Variants in TAS2R1 observed in about 807,000 individuals in gnomAD.
TAS2R1 encodes taste 2 receptor member 1.
For synonymous variants in TAS2R1, 141 were observed against 134.2 expected (o/e 1.05, Z -0.35); for missense variants, 370 against 353.4 (o/e 1.05, Z -0.38).
At chr5:9,805,237 T>C in the TAS2R1 span, among the ~76,000 whole-genome samples, 4 of 152,074 alleles carry the variant, frequency 2.6e-5, no homozygotes, top group South Asian at 2.1e-4. Flanking sequence ...AGCAGGAAGA[T>C]TGAAATGGTA....
At chr5:9,705,151 C>A (rs1741576984) in intron 1 of TAS2R1, among the ~76,000 whole-genome samples, 1 of 152,050 alleles carries the variant, frequency 6.6e-6, no homozygotes, top group Admixed American at 6.6e-5. Context: ...AATCCCACAA[C>A]AATTCAGAAA....
chr5:9,783,816 C>T, the TAS2R1 span, among the ~76,000 whole-genome samples: 4 of 152,174 alleles, frequency 2.6e-5, no homozygotes, highest in South Asian at 8.3e-4. Context: ...CTTGGAAGAA[C>T]TTGTGCACAG....
At chr5:9,903,363 G>C in the TAS2R1 span, among the ~76,000 whole-genome samples, 1 of 151,922 alleles carries the variant, frequency 6.6e-6, no homozygotes, top group African/African-American at 2.4e-5. Context: ...TGGGGAACAG[G>C]TGGTGCTTGG....
intron 1 of TAS2R1, among the ~76,000 whole-genome samples, chr5:9,710,575 G>A (rs1248832398): frequency 6.6e-6 from 1 of 152,118 alleles, no homozygotes; most frequent in Non-Finnish European, 1.5e-5. Flanking sequence ...ACAGTCAACA[G>A]AGAAAGAAGG....
chr5:9,798,494 T>A, the TAS2R1 span, among the ~76,000 whole-genome samples: 4 of 152,172 alleles, frequency 2.6e-5, no homozygotes, highest in African/African-American at 7.2e-5. Context: ...TTAGAAAAAA[T>A]TATATTTATG....
the TAS2R1 span, among the ~76,000 whole-genome samples, chr5:9,871,262 C>T: frequency 6.6e-6 from 1 of 152,318 alleles, no homozygotes; most frequent in South Asian, 2.1e-4. Flanking sequence ...CCTCCCCAGA[C>T]AATTCTAGAT....
chr5:9,740,423 A>T, the TAS2R1 span, among the ~76,000 whole-genome samples: 1 of 152,168 alleles, frequency 6.6e-6, no homozygotes, highest in Non-Finnish European at 1.5e-5. Flanking sequence ...TGCTTCATGG[A>T]TCAGTTTTCA....
intron 1 of TAS2R1, among the ~76,000 whole-genome samples, chr5:9,705,501 A>C (rs993122255): frequency 4.6e-5 from 7 of 152,176 alleles, no homozygotes; most frequent in African/African-American, 1.7e-4. Flanking sequence ...TCCTGAACCC[A>C]GGGGATTTTA....
chr5:9,739,618 C>T, the TAS2R1 span, among the ~76,000 whole-genome samples: 6 of 152,182 alleles, frequency 3.9e-5, no homozygotes, highest in East Asian at 9.6e-4. Context: ...AGGTAAGATG[C>T]CAAGCAATTC....
At chr5:9,829,001 T>A in the TAS2R1 span, among the ~76,000 whole-genome samples, 2 of 152,328 alleles carry the variant, frequency 1.3e-5, no homozygotes, top group Non-Finnish European at 2.9e-5. Context: ...GCTGAGGATG[T>A]AGCCAGTGCT....
the TAS2R1 span, among the ~76,000 whole-genome samples, chr5:9,823,762 A>T: frequency 6.6e-6 from 1 of 152,230 alleles, no homozygotes; most frequent in African/African-American, 2.4e-5. Context: ...AAAGAAAGGA[A>T]GATATGCTCC....
At chr5:9,738,086 A>C in the TAS2R1 span, among the ~76,000 whole-genome samples, 5 of 152,152 alleles carry the variant, frequency 3.3e-5, no homozygotes, top group Admixed American at 2.6e-4. Flanking sequence ...AAGAACGTAA[A>C]TTATTTCACA....
chr5:9,682,650 T>C (rs185785222), intron 1 of TAS2R1, among the ~76,000 whole-genome samples: 1 of 152,268 alleles, frequency 6.6e-6, no homozygotes, highest in Non-Finnish European at 1.5e-5. Flanking sequence ...GATTTTAACA[T>C]TTCACAGGGC....
chr5:9,902,798 C>A, the TAS2R1 span: 1 of 151,906 alleles, frequency 6.6e-6, no homozygotes, highest in Non-Finnish European at 1.5e-5. Context: ...CAGTCCCCAC[C>A]TCCCCATACC....
chr5:9,655,906 T>C (rs1019728861), intron 2 of TAS2R1, among the ~76,000 whole-genome samples: 1 of 151,822 alleles, frequency 6.6e-6, no homozygotes, highest in Non-Finnish European at 1.5e-5. Flanking sequence ...GAACCACTGA[T>C]TCTCAACTCA....
At chr5:9,815,607 G>A in the TAS2R1 span, among the ~76,000 whole-genome samples, 1 of 151,950 alleles carries the variant, frequency 6.6e-6, no homozygotes, top group African/African-American at 2.4e-5. Context: ...ATGCTACCAA[G>A]GATAGCAGGG....
chr5:9,713,298 A>G (rs1024536378), upstream of TAS2R1: 3 of 152,196 alleles, frequency 2.0e-5, no homozygotes, highest in African/African-American at 7.2e-5. Flanking sequence ...ATCTTAGACA[A>G]AAGTAGTTTT....
At chr5:9,695,661 C>A (rs1579787867) in intron 1 of TAS2R1, among the ~76,000 whole-genome samples, 1 of 152,098 alleles carries the variant, frequency 6.6e-6, no homozygotes, top group Non-Finnish European at 1.5e-5. Context: ...ACGACTCTAC[C>A]CCTGAGGATG....
the TAS2R1 span, among the ~76,000 whole-genome samples, chr5:9,810,537 G>A: frequency 1.3e-5 from 2 of 152,182 alleles, no homozygotes; most frequent in Non-Finnish European, 2.9e-5. Context: ...AATGGGCCAT[G>A]AGGAGTAAGA....
Sources: allele counts gnomAD v4.1 joint callset (sites outside exome capture counted in the v4.1 genomes callset), GRCh38; gene constraint gnomAD v4.1.1; transcripts MANE v1.5; gene names NCBI Gene and HGNC (gene_info 2026-07-23, HGNC 2026-07-21).